The following RINL variants were observed in gnomAD, a reference collection of about 807,000 sequenced individuals.
The protein encoded by RINL is Ras and Rab interactor like.
RINL carries 39 observed loss-of-function variants against 58.1 expected under a neutral mutation model. The observed-to-expected ratio is 0.67, with a 90% CI of 0.52 to 0.88. RINL has a LOEUF of 0.88. Among genes scored for constraint, RINL ranks in the 40% least tolerant of loss-of-function variants. The probability of loss-of-function intolerance (pLI) is 0.00; values close to 1 mark genes in which losing one functional copy is unlikely to be tolerated. For missense variants in RINL, 711 were observed against 749.2 expected, an observed-to-expected ratio of 0.95 and a Z score of 0.60; for synonymous variants, 286 against 323.1, an observed-to-expected ratio of 0.89 and a Z score of 1.23.
intron 4 of RINL, 50 bp from the exon 5 acceptor site, chr19:38,871,920 T>C: frequency 7.0e-7 from 1 of 1,429,086 alleles, no homozygotes; most frequent in South Asian, 1.2e-5. Context: ...TGGTGGCAGT[T>C]TTCTGTCCCC....
chr19:38,872,819 G>A (rs1474607845), intron 4 of RINL, among the ~76,000 whole-genome samples: 1 of 152,108 alleles, frequency 6.6e-6, no homozygotes, highest in Non-Finnish European at 1.5e-5. Context: ...CATGACACCT[G>A]TATACCTATG....
chr19:38,873,771 C>T, intron 4 of RINL, 115 bp downstream of exon 4: 1 of 621,692 alleles, frequency 1.6e-6, no homozygotes, highest in Non-Finnish European at 2.8e-6. Flanking sequence ...AGCGATCCAC[C>T]CGCCTCGACC....
Position 38,870,496 on chromosome 19 carries a change from C to T in RINL, c.1024+74G>A, listed in dbSNP as rs892835930. 47 of 1,451,744 alleles carry T rather than the reference C, an allele frequency of 3.2e-5. No homozygotes were observed. The highest frequency in any genetic ancestry group is 3.2e-4 in the Admixed American group (12 of 37,648). The allele number at this position is 1,451,744 out of a possible 1,614,324, so 89.9% of individuals were successfully genotyped here. ...AAGGGCGTGTGGGTGCAGAAGGAAA[C>T]GTGTGCGCACCGATGGAGAGGACGA... On this transcript the variant is annotated intron_variant, in intron 8 of 11. Coordinates refer to ENST00000591812, the MANE Select transcript of RINL (RefSeq NM_001195833.2). The surrounding 1 kb of genome is among the most constrained non-coding windows in gnomAD (Gnocchi z 5.8).
At chr19:38,875,347 G>A (rs1017244837) in intron 3 of RINL, among the ~76,000 whole-genome samples, 1 of 150,804 alleles carries the variant, frequency 6.6e-6, no homozygotes, top group African/African-American at 2.4e-5. Context: ...CAGCACACCC[G>A]GCCAGCCATC....
chr19:38,878,072 G>T (rs1377154918), intron 1 of RINL, among the ~76,000 whole-genome samples, 160 bp downstream of exon 1: 1 of 152,198 alleles, frequency 6.6e-6, no homozygotes, highest in Non-Finnish European at 1.5e-5. Context: ...GGAAGGGAGG[G>T]GAGGGGAGGG....
chr19:38,876,188 T>TAGATAGGACTGCAGGCATGAGC (rs1463008039), intron 3 of RINL, 143 bp downstream of exon 3: 1 of 741,508 alleles, frequency 1.3e-6, no homozygotes, highest in African/African-American at 1.8e-5. Context: ...GCCTCATGAG[T>TAGATAGGACTGCAGGCATGAGC]AGCTAGGACT....
In RINL at chr19:38,871,100, C is replaced by T. The variant is rs774337009; in HGVS notation, c.579G>A (p.Glu193=). The part of the protein sequence containing the change: ...REQTPQETEP[E]AAQRHDPAPR... Reference sequence around the variant, plus strand: ...AACCTGGATCATGTCTCTGAGCAGCCTCTGGCTCTGTTTCTTGAGGGGTCT... The same window carrying T: ...AACCTGGATCATGTCTCTGAGCAGCTTCTGGCTCTGTTTCTTGAGGGGTCT... Residue 193 remains glutamate (E), a synonymous_variant, in exon 7 of 12, where the codon GAG becomes GAA. Transcript: ENST00000591812. The T allele has an allele frequency of 2.5e-6, 4 of 1,608,150 alleles. No individual in the cohort carries two copies. The East Asian group carries it at 8.9e-5, about 36-fold the overall frequency.
chr19:38,870,704 T>G lies in RINL; in HGVS notation c.890A>C (p.Asp297Ala), dbSNP rs767726293. 1 of 1,613,380 alleles carries G rather than the reference T, an allele frequency of 6.2e-7. No homozygotes were observed. Among genetic ancestry groups the G allele is most frequent in the Non-Finnish European group, 8.5e-7 (1 of 1,179,874 alleles). Reference protein sequence around the residue: ...SDSGGPHGSGDPATELLQDVR... With the variant: ...SDSGGPHGSGAPATELLQDVR... ...ATCCTGAAGCAGCTCCGTGGCCGGG[T>G]CCCCAGACCCGTGGGGACCCCCAGA... Residue 297 changes from aspartate to alanine, a missense_variant, in exon 8 of 12, where the codon GAC (aspartate) becomes GCC (alanine). Transcript: ENST00000591812. This position sits in a 1 kb window ranked among gnomAD's most constrained non-coding sequence, Gnocchi z 5.8.
chr19:38,876,630 T>A (rs575324134), intron 2 of RINL, 63 bp downstream of exon 2: 10 of 1,482,532 alleles, frequency 6.7e-6, no homozygotes, highest in Middle Eastern at 3.4e-4. Flanking sequence ...AGGGAGGTAT[T>A]GGATGGAAAG....
At position 38,868,883 on chromosome 19, in the gene RINL, T is replaced by G; in HGVS notation, c.*221A>C. 2.0e-6 allele frequency: 1 copy of G among 489,238 alleles called. No individual in the cohort carries two copies. Among genetic ancestry groups the G allele is most frequent in the Non-Finnish European group, 3.7e-6 (1 of 273,346 alleles). The allele number at this position is 489,238 out of a possible 1,614,324, so 30.3% of individuals were successfully genotyped here. On this transcript the variant is annotated 3_prime_UTR_variant, in exon 12 of 12. Transcript: ENST00000591812. Reference sequence around the variant, plus strand: ...TGCAGATGTCACCTCAGTGAGGCTTTCTCTGATACGCCTGTCTAAAACTGC... The same window carrying G: ...TGCAGATGTCACCTCAGTGAGGCTTGCTCTGATACGCCTGTCTAAAACTGC...
chr19:38,871,161 A>G lies in RINL; in HGVS notation c.518T>C (p.Leu173Pro). The change falls in exon 7 of 12, where the codon CTC becomes CCC. Residue 173 changes from leucine to proline, a missense_variant. Physicochemically the swap from Leu to Pro is moderately conservative, Grantham distance 98 (BLOSUM62 -3). Coordinates refer to ENST00000591812, the MANE Select transcript of RINL (RefSeq NM_001195833.2). Reference sequence around the variant, plus strand: ...CCAGCCTCTGTGGGTCTCCAGGTAGAGCTGGTTCACAATGGAAAGCACCTT... The same window carrying G: ...CCAGCCTCTGTGGGTCTCCAGGTAGGGCTGGTTCACAATGGAAAGCACCTT... ...PGKVLSIVNQLYLETHRGWGR... is the reference protein window; with the variant it reads ...PGKVLSIVNQPYLETHRGWGR... 1 of 1,613,996 alleles carries G rather than the reference A, an allele frequency of 6.2e-7. No homozygotes were observed. The highest frequency in any genetic ancestry group is 8.5e-7 in the Non-Finnish European group (1 of 1,179,952).
At chr19:38,871,327 A>G (rs1600091735) in intron 6 of RINL, 100 bp from the exon 7 acceptor site, 1 of 1,341,034 alleles carries the variant, frequency 7.5e-7, no homozygotes, top group Non-Finnish European at 1.0e-6. Flanking sequence ...TCATTGCTGG[A>G]GGTGCTGAGG....
chr19:38,870,031 G>A lies in RINL; in HGVS notation c.1254C>T (p.His418=). 6.4e-7 allele frequency: 1 copy of A among 1,564,010 alleles called. No homozygotes were observed. Among genetic ancestry groups the A allele is most frequent in the African/African-American group, 1.4e-5 (1 of 73,030 alleles). ...SRIHERLAHL[H]AACAPRRKVA... The stretch of plus-strand genomic sequence containing the variant: ...CCTTGCGGCGCGGGGCGCAGGCAGC[G>A]TGGAGGTGCGCAAGGCGCTCGTGGA... Residue 418 remains histidine (H), a synonymous_variant, in exon 9 of 12, where the codon CAC becomes CAT. Coordinates refer to ENST00000591812, the MANE Select transcript of RINL (RefSeq NM_001195833.2). The surrounding 1 kb of genome is among the most constrained non-coding windows in gnomAD (Gnocchi z 5.8).
intron 4 of RINL, chr19:38,873,571 G>C (rs570059110): frequency 1.3e-4 from 26 of 196,130 alleles, no homozygotes; most frequent in Non-Finnish European, 2.8e-4. Flanking sequence ...TGTTGCCAAG[G>C]CTGGAGGGCA....
Position 38,870,358 on chromosome 19 carries a change from C to G in RINL, c.1025-98G>C. The G allele has an allele frequency of 9.2e-7, 1 of 1,089,042 alleles. No individual in the cohort carries two copies. The highest frequency in any genetic ancestry group is 1.3e-6 in the Non-Finnish European group (1 of 799,682). The allele number at this position is 1,089,042 out of a possible 1,614,324, so 67.5% of individuals were successfully genotyped here. On this transcript the variant is annotated intron_variant, in intron 8 of 11. Coordinates refer to ENST00000591812, the MANE Select transcript of RINL (RefSeq NM_001195833.2). This position sits in a 1 kb window ranked among gnomAD's most constrained non-coding sequence, Gnocchi z 5.8. The stretch of plus-strand genomic sequence containing the variant: ...CCACCCTGGCCCACAGCCACCCCTG[C>G]CTAGCTCTGGTCCCCCGTGAGTGTA...
chr19:38,871,252 T>C (rs2145477910), intron 6 of RINL, 25 bp from the exon 7 acceptor site: 1 of 1,613,516 alleles, frequency 6.2e-7, no homozygotes, highest in East Asian at 2.2e-5. Context: ...AGTGAGAAGG[T>C]GTCCTAGGTA....
At position 38,868,988 on chromosome 19, in the gene RINL, T is replaced by TG. The variant is rs1972732562; in HGVS notation, c.*115dup. 4 of 830,766 alleles carry TG rather than the reference T, an allele frequency of 4.8e-6. No homozygotes were observed. The South Asian group carries it at 9.5e-5, about 20-fold the overall frequency. 51.5% of individuals were successfully genotyped at this position (830,766 alleles called of 1,614,324 possible). On this transcript the variant is annotated 3_prime_UTR_variant, in exon 12 of 12. Coordinates refer to ENST00000591812, the MANE Select transcript of RINL (RefSeq NM_001195833.2). ...TTTGTTTTTTTTTTTTTTTGGTAGA[T>TG]GGGGGTCCCACTGTTTTGCCCAGGC...
At chr19:38,873,677 C>T (rs535215469) in intron 4 of RINL, 212 of 446,334 alleles carry the variant, frequency 4.7e-4, no homozygotes, top group Middle Eastern at 6.6e-4. Flanking sequence ...AGTCGCGCGT[C>T]ACCAAGCCCG....
intron 3 of RINL, among the ~76,000 whole-genome samples, chr19:38,875,233 T>G (rs1332712332): frequency 2.1e-5 from 3 of 145,858 alleles, no homozygotes; most frequent in Non-Finnish European, 3.0e-5. Context: ...TTTTTTTTAA[T>G]AGAGACTGGG....
Sources: allele counts gnomAD v4.1 joint callset (sites outside exome capture counted in the v4.1 genomes callset), GRCh38; gene constraint gnomAD v4.1.1; non-coding constraint Gnocchi (gnomAD v3.1); transcripts MANE v1.5; gene names NCBI Gene and HGNC (gene_info 2026-07-23, HGNC 2026-07-21).